ARAP2: variants seen among roughly 807,000 people sequenced by gnomAD.
ARAP2 encodes the protein arf-GAP with Rho-GAP domain, ANK repeat and PH domain-containing protein 2.
In ARAP2, 148 loss-of-function variants were observed where a neutral mutation model predicts 194.5. The ratio of observed to expected loss-of-function variants is 0.76; its 90% CI spans 0.67 to 0.87. The LOEUF is 0.87. Among genes scored for constraint, ARAP2 ranks in the 40% least tolerant of loss-of-function variants. The probability of loss-of-function intolerance (pLI) is 0.00; values close to 1 mark genes in which losing one functional copy is unlikely to be tolerated. For synonymous variants in ARAP2, 695 were observed against 683.5 expected, an observed-to-expected ratio of 1.02 and a Z score of -0.26; for missense variants, 2,128 against 1,989.7, an observed-to-expected ratio of 1.07 and a Z score of -1.32.
intron 27 of ARAP2, among the ~76,000 whole-genome samples, chr4:36,106,817 G>A (rs1718537245): frequency 6.6e-6 from 1 of 151,768 alleles, no homozygotes; most frequent in Admixed American, 6.6e-5. Flanking sequence ...AGCTCTGCTG[G>A]TATGCAATTA....
intron 2 of ARAP2, among the ~76,000 whole-genome samples, chr4:36,215,523 T>C (rs1359030383): frequency 1.3e-5 from 2 of 152,160 alleles, no homozygotes; most frequent in South Asian, 2.1e-4. Context: ...TTGTAACATC[T>C]GAGTAGGAAA....
At chr4:36,089,317 A>G (rs914428883) in intron 28 of ARAP2, among the ~76,000 whole-genome samples, 7 of 152,134 alleles carry the variant, frequency 4.6e-5, no homozygotes, top group Non-Finnish European at 7.4e-5. Flanking sequence ...TTTGTTGCTG[A>G]GTAGTATTCC....
intron 24 of ARAP2, among the ~76,000 whole-genome samples, chr4:36,118,130 G>A (rs1486783868): frequency 6.6e-6 from 1 of 151,172 alleles, no homozygotes; most frequent in African/African-American, 2.4e-5. Context: ...TAATTTTTCT[G>A]GCATTACAGG....
intron 9 of ARAP2, among the ~76,000 whole-genome samples, chr4:36,174,833 C>T (rs1249977282): frequency 6.6e-6 from 1 of 152,168 alleles, no homozygotes; most frequent in African/African-American, 2.4e-5. Flanking sequence ...ACTGCAACCT[C>T]CCAGTCCAAT....
At chr4:36,228,528 A>G (rs1750813614) in intron 2 of ARAP2, 54 bp downstream of exon 2, 2 of 1,488,700 alleles carry the variant, frequency 1.3e-6, no homozygotes, top group African/African-American at 1.4e-5. Context: ...TGTTAAAAAA[A>G]ATCACTGAAT....
intron 1 of ARAP2, among the ~76,000 whole-genome samples, chr4:36,231,710 C>T (rs11932460): frequency 0.089 from 13,566 of 152,120 alleles, 1,986 homozygotes; most frequent in African/African-American, 0.31. Context: ...CACACGCACA[C>T]CAAGAAACCT....
chr4:36,109,848 G>T (rs1195291633), intron 26 of ARAP2, among the ~76,000 whole-genome samples: 2 of 24,338 alleles, frequency 8.2e-5, no homozygotes, highest in Non-Finnish European at 1.5e-4. Flanking sequence ...ATCACCTAAT[G>T]CTATCCCTCC....
chr4:36,218,088 G>C (rs897395206), intron 2 of ARAP2, among the ~76,000 whole-genome samples: 2 of 152,050 alleles, frequency 1.3e-5, no homozygotes, highest in African/African-American at 4.8e-5. Flanking sequence ...TATAGCTGTA[G>C]TAATTAAAAC....
intron 3 of ARAP2, among the ~76,000 whole-genome samples, chr4:36,049,669 G>A (rs933160995): frequency 2.6e-5 from 4 of 152,136 alleles, no homozygotes; most frequent in African/African-American, 4.8e-5. Flanking sequence ...TAATTGAAAT[G>A]AGATGAGTGA....
intron 1 of ARAP2, among the ~76,000 whole-genome samples, chr4:36,239,390 T>TGAATGGAC (rs1753070170): frequency 6.6e-6 from 1 of 152,022 alleles, no homozygotes; most frequent in Admixed American, 6.6e-5. Context: ...TATGAATGGA[T>TGAATGGAC]GAATGGATGA....
At chr4:36,217,770 T>C (rs913027302) in intron 2 of ARAP2, among the ~76,000 whole-genome samples, 1 of 151,100 alleles carries the variant, frequency 6.6e-6, no homozygotes, top group African/African-American at 2.4e-5. Context: ...GAAAAAAATC[T>C]AATTAAATTA....
At chr4:36,147,489 C>T (rs1055083748) in intron 18 of ARAP2, 59 bp downstream of exon 18, 2 of 1,578,976 alleles carry the variant, frequency 1.3e-6, no homozygotes, top group Admixed American at 1.8e-5. Flanking sequence ...TAAAGGCTAT[C>T]ACTATTGTAT....
chr4:36,081,212 C>T (rs1315915718), intron 30 of ARAP2, among the ~76,000 whole-genome samples: 1 of 152,050 alleles, frequency 6.6e-6, no homozygotes, highest in Non-Finnish European at 1.5e-5. Flanking sequence ...TTATAAAATA[C>T]TGTAGGTGCA....
chr4:36,171,842 T>C (rs1232566169), intron 9 of ARAP2, among the ~76,000 whole-genome samples: 1 of 152,134 alleles, frequency 6.6e-6, no homozygotes, highest in East Asian at 1.9e-4. Context: ...CAAAAATAAC[T>C]AGCAGGCATA....
chr4:36,239,208 G>A (rs554516701), intron 1 of ARAP2, among the ~76,000 whole-genome samples: 79 of 151,744 alleles, frequency 5.2e-4, no homozygotes, highest in Non-Finnish European at 9.4e-4. Context: ...CCCAGTGGGC[G>A]GAGGTTGCAG....
At chr4:36,243,117 A>T (rs976857938) in intron 1 of ARAP2, among the ~76,000 whole-genome samples, 1 of 151,798 alleles carries the variant, frequency 6.6e-6, no homozygotes, top group African/African-American at 2.4e-5. Flanking sequence ...GTTTAAAGGT[A>T]TTTCTCTTTT....
intron 9 of ARAP2, among the ~76,000 whole-genome samples, chr4:36,173,642 A>C (rs1467729680): frequency 6.6e-6 from 1 of 152,170 alleles, no homozygotes; most frequent in Non-Finnish European, 1.5e-5. Flanking sequence ...ATGGACAAAG[A>C]AGATGAAGAG....
At chr4:36,213,965 T>C (rs548889653) in intron 3 of ARAP2, among the ~76,000 whole-genome samples, 1 of 152,278 alleles carries the variant, frequency 6.6e-6, no homozygotes, top group South Asian at 2.1e-4. Flanking sequence ...TGACATCTTA[T>C]TGTCAAAAAG....
intron 6 of ARAP2, among the ~76,000 whole-genome samples, chr4:36,199,324 C>G (rs943993733): frequency 6.6e-6 from 1 of 152,204 alleles, no homozygotes; most frequent in Non-Finnish European, 1.5e-5. Context: ...TGGAGTCTCA[C>G]TCTGTCACCC....
Sources: gnomAD v4.1 joint callset for allele counts (sites outside exome capture counted in the v4.1 genomes callset) on GRCh38, gnomAD v4.1.1 for gene constraint, MANE v1.5 for transcripts, NCBI Gene and HGNC (gene_info 2026-07-23, HGNC 2026-07-21) for gene names.